TMPRSS5: variants seen among roughly 807,000 people sequenced by gnomAD.
The protein encoded by TMPRSS5 is transmembrane protease serine 5.
A neutral mutation model predicts 59.7 loss-of-function variants in TMPRSS5; 45 were observed. The observed-to-expected ratio is 0.75, with a 90% CI of 0.59 to 0.97. The LOEUF (loss-of-function observed/expected upper bound fraction) is 0.97. Among genes scored for constraint, TMPRSS5 ranks in the 50% least tolerant of loss-of-function variants. TMPRSS5 has a pLI of 0.00. For synonymous variants in TMPRSS5, 225 were observed against 232.0 expected, an observed-to-expected ratio of 0.97 and a Z score of 0.27; for missense variants, 585 against 596.7, an observed-to-expected ratio of 0.98 and a Z score of 0.20.
rs1192888305 is a variant in TMPRSS5, at chr11:113,697,291, C to T, written c.456G>A (p.Gly152=). The T allele has an allele frequency of 6.2e-6, 10 of 1,610,582 alleles. No individual in the cohort carries two copies. The Admixed American group carries it at 8.4e-5, about 13-fold the overall frequency. Residue 152 remains glycine (G), a synonymous_variant, in exon 5 of 13, where the codon GGG becomes GGA. Transcript: ENST00000299882. The stretch of plus-strand genomic sequence containing the variant: ...CATCTAACTCCTGTTACCTGAGATG[C>T]CCAAGGCTCCAGCAGATCTGCAGCC... ...ALGLQICWSL[G]HLRLTHHKGV... is the part of the protein sequence containing the mutation.
intron 7 of TMPRSS5, among the ~76,000 whole-genome samples, chr11:113,695,014 C>T (rs1485428044): frequency 6.6e-6 from 1 of 151,992 alleles, no homozygotes; most frequent in Non-Finnish European, 1.5e-5. Context: ...GATTGCTTCC[C>T]GTTTGGTACC....
At chr11:113,700,734 T>C (rs1464796513) in intron 1 of TMPRSS5, among the ~76,000 whole-genome samples, 2 of 152,206 alleles carry the variant, frequency 1.3e-5, no homozygotes, top group Non-Finnish European at 2.9e-5. Context: ...AGATAAGTCA[T>C]GTAAAGCACT....
intron 1 of TMPRSS5, among the ~76,000 whole-genome samples, chr11:113,701,886 T>A (rs1338991003): frequency 6.6e-6 from 1 of 152,146 alleles, no homozygotes; most frequent in African/African-American, 2.4e-5. Flanking sequence ...GCTGCACCCA[T>A]CAACCCGTCA....
intron 6 of TMPRSS5, 169 bp downstream of exon 6, chr11:113,696,689 G>A (rs1952936092): frequency 1.7e-6 from 1 of 603,298 alleles, no homozygotes; most frequent in South Asian, 2.0e-5. Flanking sequence ...GACAGACAGG[G>A]CTCATGTGAA....
Position 113,699,234 on chromosome 11 carries a change from TCTC to T in TMPRSS5, c.206-210_206-208del, listed in dbSNP as rs1953028812. Among the ~76,000 whole-genome samples the T allele has an allele frequency of 4.8e-5, 3 of 63,018 alleles. No individual in the cohort carries two copies. In the East Asian group the frequency reaches 1.6e-3, roughly 34 times the overall value. 41.3% of individuals were successfully genotyped at this position (63,018 alleles called of 152,430 possible). A position where few individuals can be genotyped will look rare whatever the true frequency, so the allele number is the denominator to read the frequency against. On this transcript the variant is annotated intron_variant, in intron 3 of 12. Transcript: ENST00000299882. ...CTGTCTCTCTCTCTCTCTCTCTCTC[TCTC>T]TCTCTCTCTCTCTCTCTCTCTCTCT...
At chr11:113,697,717 G>T (rs547965563) in intron 4 of TMPRSS5, among the ~76,000 whole-genome samples, 9 of 152,308 alleles carry the variant, frequency 5.9e-5, no homozygotes, top group African/African-American at 2.2e-4. Flanking sequence ...TGCAGAAGGA[G>T]AACTAAGGCA....
intron 4 of TMPRSS5, 122 bp downstream of exon 4, chr11:113,698,783 G>A: frequency 8.5e-7 from 1 of 1,169,998 alleles, no homozygotes; most frequent in East Asian, 2.6e-5. Flanking sequence ...CCTCACACTA[G>A]AGGAGGGAAA....
At chr11:113,700,981 T>G (rs1953115078) in intron 1 of TMPRSS5, among the ~76,000 whole-genome samples, 2 of 152,230 alleles carry the variant, frequency 1.3e-5, no homozygotes, top group African/African-American at 4.8e-5. Context: ...CTCTCCACTC[T>G]GCACTTCTCT....
chr11:113,689,835 GCGCAGCCACGCCCCCA>G lies in TMPRSS5; in HGVS notation c.1273_1288del (p.Trp425GlnfsTer12). On this transcript the variant is annotated frameshift_variant, in exon 12 of 13. Coordinates refer to ENST00000299882, the MANE Select transcript of TMPRSS5 (RefSeq NM_030770.4). LOFTEE classifies it high-confidence loss of function. ...GTAGACACCTGGGTGATTGGGCTCT[GCGCAGCCACGCCCCCA>G]GCTGACCACCCCCACTAGGCGCCAT... is the stretch of plus-strand genomic sequence containing the variant. The G allele has an allele frequency of 6.3e-7, 1 of 1,596,934 alleles. No homozygotes were observed. Among genetic ancestry groups the G allele is most frequent in the Non-Finnish European group, 8.5e-7 (1 of 1,171,902 alleles).
At chr11:113,689,997 G>C (rs1952719894) in intron 11 of TMPRSS5, 80 bp from the exon 12 acceptor site, 1 of 1,410,254 alleles carries the variant, frequency 7.1e-7, no homozygotes, top group South Asian at 1.4e-5. Flanking sequence ...ACTATGGCAA[G>C]TGGAATCTCC....
chr11:113,704,755 T>C (rs1332171600), intron 1 of TMPRSS5, among the ~76,000 whole-genome samples: 1 of 151,708 alleles, frequency 6.6e-6, no homozygotes, highest in Non-Finnish European at 1.5e-5. Flanking sequence ...GGGCCCTATA[T>C]TGTGCTCATT....
chr11:113,701,490 G>GGA (rs1491330269), intron 1 of TMPRSS5, among the ~76,000 whole-genome samples: 1 of 27,982 alleles, frequency 3.6e-5, no homozygotes, highest in Non-Finnish European at 7.0e-5. Context: ...TTTTTTTGGC[G>GGA]GGGGGGGGTG....
intron 12 of TMPRSS5, 78 bp downstream of exon 12, chr11:113,689,687 C>A (rs994253984): frequency 6.6e-6 from 10 of 1,512,920 alleles, no homozygotes; most frequent in Non-Finnish European, 9.0e-6. Flanking sequence ...AGGGCCCGGG[C>A]CTAAGGGGTA....
intron 3 of TMPRSS5, among the ~76,000 whole-genome samples, chr11:113,699,257 CT>C (rs368771484): frequency 0.013 from 1,109 of 82,408 alleles, 86 homozygotes; most frequent in East Asian, 0.059. Context: ...CTCTCTCTCT[CT>C]CTCTCTCTCT....
rs1952648018 is a variant in TMPRSS5, at chr11:113,687,821, T to C, written c.*439A>G. ...CCATGGAGTCCTCTAGGGAGGCACT[T>C]AGCCCACCTAGAGCACAGGAAAAAG... On this transcript the variant is annotated 3_prime_UTR_variant, in exon 13 of 13. Coordinates refer to ENST00000299882, the MANE Select transcript of TMPRSS5 (RefSeq NM_030770.4). 6.3e-6 allele frequency: 1 copy of C among 158,946 alleles called. No individual in the cohort carries two copies. The highest frequency in any genetic ancestry group is 1.4e-5 in the Non-Finnish European group (1 of 72,776). The allele number at this position is 158,946 out of a possible 1,614,324, so 9.8% of individuals were successfully genotyped here.
intron 2 of TMPRSS5, 127 bp from the exon 3 acceptor site, chr11:113,699,820 C>T: frequency 7.2e-7 from 1 of 1,390,162 alleles, no homozygotes; most frequent in Admixed American, 2.0e-5. Context: ...CCTGCCCCAT[C>T]AGCCCAGATT....
rs1952655815 is a variant in TMPRSS5, at chr11:113,688,113, G to A, written c.*147C>T. 1 of 1,302,468 alleles carries A rather than the reference G, an allele frequency of 7.7e-7. No individual in the cohort carries two copies. Among genetic ancestry groups the A allele is most frequent in the South Asian group, 2.3e-5 (1 of 42,554 alleles). The allele number at this position is 1,302,468 out of a possible 1,614,324, so 80.7% of individuals were successfully genotyped here. Reference sequence around the variant, plus strand: ...CTGTTGGCTGGGTGGCTGGCCAGTGGGTAGTGACTGTTCCTCACACACAGT... The same window carrying A: ...CTGTTGGCTGGGTGGCTGGCCAGTGAGTAGTGACTGTTCCTCACACACAGT... On this transcript the variant is annotated 3_prime_UTR_variant, in exon 13 of 13. Transcript: ENST00000299882.
At chr11:113,694,244 CAAA>C (rs1285209758) in intron 8 of TMPRSS5, 391 of 204,240 alleles carry the variant, frequency 1.9e-3, no homozygotes, top group Middle Eastern at 5.3e-3. Context: ...GACTCTGTCT[CAAA>C]AAAAAAAAAA....
intron 1 of TMPRSS5, among the ~76,000 whole-genome samples, chr11:113,701,251 CAGA>C (rs1413264428): frequency 6.6e-6 from 1 of 152,112 alleles, no homozygotes; most frequent in Non-Finnish European, 1.5e-5. Context: ...TTGGAGGGTT[CAGA>C]AGAAGACAGG....
Sources: gnomAD v4.1 joint callset for allele counts (sites outside exome capture counted in the v4.1 genomes callset) on GRCh38, gnomAD v4.1.1 for gene constraint, MANE v1.5 for transcripts, NCBI Gene and HGNC (gene_info 2026-07-23, HGNC 2026-07-21) for gene names.